Variants in DAB1 observed in about 807,000 individuals in gnomAD.
DAB1 encodes the protein disabled homolog 1.
In DAB1, 15 loss-of-function variants were observed where a neutral mutation model predicts 64.6. The observed-to-expected ratio is 0.23, with a 90% confidence interval of 0.16 to 0.36. The LOEUF is 0.36. DAB1 is among the 10% of genes least tolerant of loss of function. The probability of loss-of-function intolerance (pLI) is 1.00; values close to 1 mark genes in which losing one functional copy is unlikely to be tolerated. For missense variants in DAB1, 596 were observed against 706.7 expected (o/e 0.84, Z 1.78); for synonymous variants, 235 against 251.9 (o/e 0.93, Z 0.64).
chr1:57,670,521 C>A (rs1346975827), intron 6 of DAB1, among the ~76,000 whole-genome samples: 1 of 152,068 alleles, frequency 6.6e-6, no homozygotes, highest in Non-Finnish European at 1.5e-5. Context: ...AAATCCCATA[C>A]AAAACTGCAA....
intron 4 of DAB1, among the ~76,000 whole-genome samples, chr1:58,194,707 C>G (rs888148405): frequency 1.3e-5 from 2 of 152,224 alleles, no homozygotes; most frequent in Admixed American, 6.5e-5. Flanking sequence ...CTTCCTGCAA[C>G]CTTTCATTCT....
rs1288896421 is a variant in DAB1 at position 56,996,589 on chromosome 1, T to C, written c.*1555A>G. On this transcript the variant is annotated 3_prime_UTR_variant, in exon 15 of 15. Coordinates refer to ENST00000371236, the MANE Select transcript of DAB1 (RefSeq NM_001365792.1). ...GGGGAGGTGGGAGAGTTTCAGAATC[T>C]GAATTCTTCAGAATGTGAATTGTCT... 1 of 152,378 alleles carries C rather than the reference T, an allele frequency of 6.6e-6. No individual in the cohort carries two copies. The highest frequency in any genetic ancestry group is 1.5e-5 in the Non-Finnish European group (1 of 68,050). The allele number at this position is 152,378 out of a possible 1,614,324, so 9.4% of individuals were successfully genotyped here. A position where few individuals can be genotyped will look rare whatever the true frequency, so the allele number is the denominator to read the frequency against.
intron 5 of DAB1, among the ~76,000 whole-genome samples, chr1:57,977,452 C>T (rs770902012): frequency 1.3e-5 from 2 of 152,072 alleles, no homozygotes; most frequent in South Asian, 2.1e-4. Flanking sequence ...GGGTCCTACC[C>T]GCAACATTGT....
At chr1:57,464,052 C>T (rs544695341) in intron 7 of DAB1, among the ~76,000 whole-genome samples, 3 of 152,152 alleles carry the variant, frequency 2.0e-5, no homozygotes, top group East Asian at 3.9e-4. Context: ...TTTTTTTCTT[C>T]GATCCTCAAT....
chr1:57,981,424 A>C (rs1443013294), intron 5 of DAB1, among the ~76,000 whole-genome samples: 1 of 152,180 alleles, frequency 6.6e-6, no homozygotes, highest in East Asian at 1.9e-4. Flanking sequence ...ATGTTAACAG[A>C]GTTTGAATTA....
chr1:58,011,746 G>A (rs923016105), intron 5 of DAB1, among the ~76,000 whole-genome samples: 1 of 152,112 alleles, frequency 6.6e-6, no homozygotes, highest in Non-Finnish European at 1.5e-5. Flanking sequence ...GGAGTGCAGT[G>A]GTGCGATCTC....
intron 4 of DAB1, among the ~76,000 whole-genome samples, chr1:58,323,185 C>G (rs541844604): frequency 2.0e-5 from 3 of 151,568 alleles, no homozygotes; most frequent in Non-Finnish European, 2.9e-5. Flanking sequence ...CACATGTATA[C>G]CTATGTAACA....
At chr1:57,830,621 G>T (rs922860936) in intron 1 of DAB1, among the ~76,000 whole-genome samples, 1 of 152,120 alleles carries the variant, frequency 6.6e-6, no homozygotes, top group Non-Finnish European at 1.5e-5. Context: ...GTGCAGGAAA[G>T]AATTGACACA....
chr1:57,948,988 T>G (rs1645225233), intron 5 of DAB1, among the ~76,000 whole-genome samples: 1 of 152,214 alleles, frequency 6.6e-6, no homozygotes, highest in Non-Finnish European at 1.5e-5. Flanking sequence ...AACAATGTTA[T>G]GAACATCCAT....
chr1:57,889,914 G>A (rs570495154), intron 5 of DAB1, among the ~76,000 whole-genome samples: 1 of 141,956 alleles, frequency 7.0e-6, no homozygotes, highest in African/African-American at 2.6e-5. Context: ...GGGGGGGAGG[G>A]GGAAGAAATC....
At chr1:58,160,126 G>A (rs1655447093) in intron 4 of DAB1, among the ~76,000 whole-genome samples, 1 of 152,194 alleles carries the variant, frequency 6.6e-6, no homozygotes, top group Non-Finnish European at 1.5e-5. Flanking sequence ...AGGGTCTGTG[G>A]TTTGAGGTAG....
At chr1:58,355,147 T>G (rs1644097855) in intron 3 of DAB1, among the ~76,000 whole-genome samples, 1 of 152,220 alleles carries the variant, frequency 6.6e-6, no homozygotes, top group African/African-American at 2.4e-5. Flanking sequence ...GTCAAAGAGA[T>G]GTCTACAGAC....
intron 4 of DAB1, among the ~76,000 whole-genome samples, chr1:58,323,234 T>TATAATA (rs146067591): frequency 1.8e-3 from 265 of 145,910 alleles, no homozygotes; most frequent in African/African-American, 3.9e-3. Flanking sequence ...GAACTTAAAG[T>TATAATA]ATAATAATAA....
In DAB1 at chr1:57,866,907, C is replaced by T. The variant is rs115230561; in HGVS notation, n.87+17092G>A. ...AGGTAGCTGAGAGCAGGTGAAAGCT[C>T]CTGGGCCAAGTTTATTTGAGGTCAT... On this transcript the variant is annotated intron_variant and non_coding_transcript_variant, in intron 1 of 1. Transcript: ENST00000477280. 7.4e-3 allele frequency: 1,132 copies of T among 152,238 alleles called. 13 individuals carry two copies. The highest frequency in any genetic ancestry group is 0.026 in the African/African-American group (1,092 of 41,546). 9.4% of individuals were successfully genotyped at this position (152,238 alleles called of 1,614,324 possible).
intron 6 of DAB1, among the ~76,000 whole-genome samples, chr1:57,682,318 T>C (rs186572282): frequency 1.0e-4 from 15 of 150,662 alleles, no homozygotes; most frequent in Admixed American, 8.6e-4. Context: ...GAAAAATCTC[T>C]AGTAGCATAA....
intron 12 of DAB1, among the ~76,000 whole-genome samples, chr1:57,012,646 G>GA (rs1305386224): frequency 6.6e-6 from 1 of 152,148 alleles, no homozygotes; most frequent in Non-Finnish European, 1.5e-5. Flanking sequence ...CAAGTTTTTG[G>GA]AAAAAAATTT....
Position 57,065,282 on chromosome 1 carries a change from T to C in DAB1, c.664-2339A>G, listed in dbSNP as rs915146130. On this transcript the variant is annotated intron_variant, in intron 8 of 14. Transcript: ENST00000371236. ...TATTCTGGTAACCTCTGGTGCATTCTTTCATTAAAAAATAAAAATTGCTAA... is the reference window on the plus strand; with the variant it reads ...TATTCTGGTAACCTCTGGTGCATTCCTTCATTAAAAAATAAAAATTGCTAA... Among the ~76,000 whole-genome samples the C allele has an allele frequency of 3.3e-5, 5 of 152,158 alleles. No homozygotes were observed. In the South Asian group the frequency reaches 6.2e-4, roughly 19 times the overall value.
At chr1:58,206,131 G>A (rs1162955411) in intron 4 of DAB1, among the ~76,000 whole-genome samples, 1 of 152,214 alleles carries the variant, frequency 6.6e-6, no homozygotes, top group Non-Finnish European at 1.5e-5. Context: ...TGCCCAGGGT[G>A]GTCGAGGCAC....
intron 5 of DAB1, among the ~76,000 whole-genome samples, chr1:57,998,594 C>A (rs1830906): frequency 0.017 from 2,590 of 152,192 alleles, 37 homozygotes; most frequent in South Asian, 0.039. Context: ...AAACTTCCGA[C>A]CTCAGGTGAT....
Sources: gnomAD v4.1 joint callset for allele counts (sites outside exome capture counted in the v4.1 genomes callset) on GRCh38, gnomAD v4.1.1 for gene constraint, MANE v1.5 for transcripts, NCBI Gene and HGNC (gene_info 2026-07-23, HGNC 2026-07-21) for gene names.